The following MAP1B variants were observed in gnomAD, a reference collection of about 807,000 sequenced individuals.
MAP1B encodes microtubule associated protein 1B.
MAP1B carries 12 observed loss-of-function variants against 176.1 expected under a neutral mutation model. That is an observed-to-expected ratio of 0.07 (90% CI 0.04 to 0.11). The LOEUF (loss-of-function observed/expected upper bound fraction) is 0.11. MAP1B is among the 10% of genes least tolerant of loss of function. The pLI is 1.00. For missense variants in MAP1B, 2,523 were observed against 2,990.5 expected (o/e 0.84, Z 3.65); for synonymous variants, 1,044 against 1,135.0 (o/e 0.92, Z 1.61).
chr5:72,146,823 G>T (rs1056097347), intron 2 of MAP1B, among the ~76,000 whole-genome samples: 4 of 152,198 alleles, frequency 2.6e-5, no homozygotes, highest in Non-Finnish European at 5.9e-5. Context: ...TGTACAGGAA[G>T]TATGTGCTTT....
At position 72,197,521 on chromosome 5, in the gene MAP1B, C is replaced by T. The variant is rs778683428; in HGVS notation, c.4166C>T (p.Ser1389Phe). Reference sequence around the variant, plus strand: ...GATGAGCCCGTGCCTGACTCAGAGTCTCCTATTGAAAAAGTTTTGTCTCCT... The same window carrying T: ...GATGAGCCCGTGCCTGACTCAGAGTTTCCTATTGAAAAAGTTTTGTCTCCT... Reference protein sequence around the residue: ...PMDEPVPDSESPIEKVLSPLR... With the variant: ...PMDEPVPDSEFPIEKVLSPLR... Residue 1389 changes from serine (S) to phenylalanine (F), a missense_variant, in exon 5 of 7, where the codon TCT becomes TTT. By Grantham distance (155) the Ser-to-Phe change is radical. Around this residue, in one of 4 missense-constraint regions of MAP1B, gnomAD observed 1,925 missense variants for 2,126.0 expected, o/e 0.91. Coordinates refer to ENST00000296755, the MANE Select transcript of MAP1B (RefSeq NM_005909.5). 4.3e-6 allele frequency: 7 copies of T among 1,614,054 alleles called. No homozygotes were observed. The highest frequency in any genetic ancestry group is 5.9e-6 in the Non-Finnish European group (7 of 1,180,036).
chr5:72,195,697 A>T lies in MAP1B; in HGVS notation c.2342A>T (p.Lys781Ile), dbSNP rs760217879. The T allele has an allele frequency of 1.2e-6, 2 of 1,614,224 alleles. No homozygotes were observed. The highest frequency in any genetic ancestry group is 1.6e-4 in the Middle Eastern group (1 of 6,062). Residue 781 changes from lysine to isoleucine, a missense_variant, in exon 5 of 7, where the codon AAA (lysine) becomes ATA (isoleucine). Lys to Ile is a moderately radical substitution (Grantham distance 102, BLOSUM62 -3). Transcript: ENST00000296755. Reference protein sequence around the residue: ...VAAGKPKEKGKIKVIKKEGKA... With the variant: ...VAAGKPKEKGIIKVIKKEGKA... ...GCCGGAAAGCCAAAGGAGAAGGGGA[A>T]AATAAAAGTCATTAAGAAGGAAGGC...
rs138690628 is a variant in MAP1B, at chr5:72,205,143, T to C, written c.7311T>C (p.His2437=). ...TGAGGGAATGGTACCAGGAGACCCA[T>C]GAGAAACAGCAAGATCTCAACATCA... The part of the protein sequence containing the change: ...EVMREWYQET[H]EKQQDLNIMV... The change falls in exon 7 of 7, where the codon CAT becomes CAC. Residue 2437 remains histidine, a synonymous_variant. Coordinates refer to ENST00000296755, the MANE Select transcript of MAP1B (RefSeq NM_005909.5). The C allele has an allele frequency of 4.3e-5, 70 of 1,613,764 alleles. No individual in the cohort carries two copies. The highest frequency in any genetic ancestry group is 5.6e-5 in the Non-Finnish European group (66 of 1,179,906).
At chr5:72,181,167 T>G (rs1746757737) in intron 2 of MAP1B, among the ~76,000 whole-genome samples, 1 of 152,192 alleles carries the variant, frequency 6.6e-6, no homozygotes, top group Non-Finnish European at 1.5e-5. Context: ...TAGGCTTCTG[T>G]CTGTGATGTG....
chr5:72,154,158 A>G (rs1746190174), intron 2 of MAP1B, among the ~76,000 whole-genome samples: 1 of 152,140 alleles, frequency 6.6e-6, no homozygotes, highest in Admixed American at 6.5e-5. Context: ...TTCCTAGCTC[A>G]TTCTCGTGTG....
rs1283568122 is a variant in MAP1B, at chr5:72,198,275, T to G, written c.4920T>G (p.Ser1640=). 1 of 1,614,258 alleles carries G rather than the reference T, an allele frequency of 6.2e-7. No individual in the cohort carries two copies. Among genetic ancestry groups the G allele is most frequent in the Admixed American group, 1.7e-5 (1 of 60,034 alleles). The part of the protein sequence containing the change: ...KSRTPVQDHR[S]EQSSMSIEFG... ...GGACACCCGTTCAAGATCACAGATC[T>G]GAACAGTCCTCAATGTCTATTGAAT... The change falls in exon 5 of 7, where the codon TCT becomes TCG. Residue 1640 remains serine (S), a synonymous_variant. Transcript: ENST00000296755.
At chr5:72,132,770 A>G (rs552542055) in intron 2 of MAP1B, among the ~76,000 whole-genome samples, 12 of 152,210 alleles carry the variant, frequency 7.9e-5, no homozygotes, top group East Asian at 5.8e-4. Flanking sequence ...TTTTGTTCCT[A>G]TGGAAAGTCA....
At chr5:72,138,875 C>T (rs1482087644) in intron 2 of MAP1B, among the ~76,000 whole-genome samples, 1 of 152,182 alleles carries the variant, frequency 6.6e-6, no homozygotes, top group Non-Finnish European at 1.5e-5. Context: ...AGTAGGTGAA[C>T]AGGTTATTTT....
chr5:72,184,404 C>T (rs1034930160), intron 3 of MAP1B, among the ~76,000 whole-genome samples: 1 of 152,194 alleles, frequency 6.6e-6, no homozygotes, highest in African/African-American at 2.4e-5. Context: ...CCGTTTGCAC[C>T]TCTGTAAAAT....
rs1298958020 is a variant in MAP1B at position 72,194,930 on chromosome 5, G to A, written c.1575G>A (p.Val525=). 6 of 1,614,076 alleles carry A rather than the reference G, an allele frequency of 3.7e-6. No individual in the cohort carries two copies. In the African/African-American group the frequency reaches 4.0e-5, roughly 11 times the overall value. Residue 525 remains valine, a synonymous_variant, in exon 5 of 7, where the codon GTG becomes GTA. Transcript: ENST00000296755. This position sits in a 1 kb window ranked among gnomAD's most constrained non-coding sequence, Gnocchi z 7.2. ...LATQKDLTGQ[V]PTPVVKQTKL... is the part of the protein sequence containing the mutation. Reference sequence around the variant, plus strand: ...CCCAAAAGGATCTCACTGGCCAGGTGCCCACTCCTGTGGTGAAACAAACAA... The same window carrying A: ...CCCAAAAGGATCTCACTGGCCAGGTACCCACTCCTGTGGTGAAACAAACAA...
intron 2 of MAP1B, among the ~76,000 whole-genome samples, chr5:72,130,352 G>A (rs1217375586): frequency 6.6e-6 from 1 of 152,156 alleles, no homozygotes; most frequent in African/African-American, 2.4e-5. Flanking sequence ...CATCGAAATA[G>A]GGAGGCCTTA....
intron 2 of MAP1B, among the ~76,000 whole-genome samples, chr5:72,158,491 C>G (rs914695134): frequency 4.6e-5 from 7 of 152,112 alleles, no homozygotes; most frequent in African/African-American, 1.7e-4. Flanking sequence ...GAATGGATTC[C>G]TTTAAACACA....
chr5:72,195,368 G>A lies in MAP1B; in HGVS notation c.2013G>A (p.Lys671=), dbSNP rs186623571. Residue 671 remains lysine, a synonymous_variant, in exon 5 of 7, where the codon AAG becomes AAA. Transcript: ENST00000296755. The part of the protein sequence containing the change: ...AKKEDKTPIK[K]EEKPKKEEVK... ...AGGAGGACAAAACACCTATCAAGAA[G>A]GAGGAAAAACCAAAAAAGGAAGAGG... 1,875 of 1,575,538 alleles carry A rather than the reference G, an allele frequency of 1.2e-3. 14 individuals are homozygous for A. The highest frequency in any genetic ancestry group is 0.01 in the East Asian group (435 of 43,424).
intron 2 of MAP1B, among the ~76,000 whole-genome samples, chr5:72,136,646 C>A (rs1745841587): frequency 6.6e-6 from 1 of 152,150 alleles, no homozygotes; most frequent in African/African-American, 2.4e-5. Flanking sequence ...TGCCCCAAGT[C>A]ACACCTAGCC....
rs1000571419 is a variant in MAP1B, at chr5:72,209,045, T to C, written c.*3806T>C. On this transcript the variant is annotated 3_prime_UTR_variant, in exon 7 of 7. Transcript: ENST00000296755. ...AAGCAATTAGGTTATTCACCTGGTATTAAAACTATTTACTGTTAAAAAATC... is the reference window on the plus strand; with the variant it reads ...AAGCAATTAGGTTATTCACCTGGTACTAAAACTATTTACTGTTAAAAAATC... 1 of 152,170 alleles carries C rather than the reference T, an allele frequency of 6.6e-6. No homozygotes were observed. The highest frequency in any genetic ancestry group is 1.5e-5 in the Non-Finnish European group (1 of 68,020). The allele number at this position is 152,170 out of a possible 1,614,324, so 9.4% of individuals were successfully genotyped here.
At chr5:72,181,939 T>C (rs1454103218) in intron 2 of MAP1B, among the ~76,000 whole-genome samples, 9 of 151,784 alleles carry the variant, frequency 5.9e-5, no homozygotes, top group Non-Finnish European at 1.3e-4. Flanking sequence ...TTGGCCAGAC[T>C]GGTCTCGAAC....
chr5:72,115,744 A>G lies in MAP1B; in HGVS notation c.231A>G (p.Gln77=). The G allele has an allele frequency of 6.2e-7, 1 of 1,614,058 alleles. No homozygotes were observed. Among genetic ancestry groups the G allele is most frequent in the Non-Finnish European group, 8.5e-7 (1 of 1,179,900 alleles). ...ACCTGATTGAATGCAACTTGGACCA[A>G]GAACTCAAACTTTTTGTATCTCGAC... ...DTNLIECNLD[Q]ELKLFVSRHS... The change falls in exon 2 of 7, where the codon CAA becomes CAG. Residue 77 remains glutamine (Q), a synonymous_variant. Coordinates refer to ENST00000296755, the MANE Select transcript of MAP1B (RefSeq NM_005909.5).
intron 2 of MAP1B, among the ~76,000 whole-genome samples, chr5:72,142,102 T>G (rs558859288): frequency 2.0e-5 from 3 of 152,330 alleles, no homozygotes; most frequent in African/African-American, 7.2e-5. Flanking sequence ...AAAAGAGACC[T>G]GTGGAACCCC....
rs1747517192 is a variant in MAP1B at position 72,209,190 on chromosome 5, C to T, written c.*3951C>T. ...CAAAACAGGAGCCATGGAGAAGTGGCATCAAGACCGGGCTGCCCTTTCGAG... is the reference window on the plus strand; with the variant it reads ...CAAAACAGGAGCCATGGAGAAGTGGTATCAAGACCGGGCTGCCCTTTCGAG... On this transcript the variant is annotated 3_prime_UTR_variant, in exon 7 of 7. Coordinates refer to ENST00000296755, the MANE Select transcript of MAP1B (RefSeq NM_005909.5). The T allele has an allele frequency of 6.6e-6, 1 of 152,216 alleles. No homozygotes were observed. The highest frequency in any genetic ancestry group is 1.5e-5 in the Non-Finnish European group (1 of 68,050). The allele number at this position is 152,216 out of a possible 1,614,324, so 9.4% of individuals were successfully genotyped here. A position where few individuals can be genotyped will look rare whatever the true frequency, so the allele number is the denominator to read the frequency against.
Sources: gnomAD v4.1 joint callset for allele counts (sites outside exome capture counted in the v4.1 genomes callset) on GRCh38, gnomAD v4.1.1 for gene constraint, gnomAD v4.1.1 regional missense constraint, Gnocchi (gnomAD v3.1) non-coding constraint, MANE v1.5 for transcripts, NCBI Gene and HGNC (gene_info 2026-07-23, HGNC 2026-07-21) for gene names.